IFT172: variants seen among roughly 807,000 people sequenced by gnomAD.
The protein encoded by IFT172 is intraflagellar transport protein 172 homolog.
IFT172 carries 164 observed loss-of-function variants against 248.9 expected under a neutral mutation model. The observed-to-expected ratio is 0.66, with a 90% CI of 0.58 to 0.75. The LOEUF (loss-of-function observed/expected upper bound fraction) is 0.75. Among genes scored for constraint, IFT172 ranks in the 30% least tolerant of loss-of-function variants. IFT172 has a pLI of 0.00. For synonymous variants in IFT172, 729 were observed against 791.6 expected, an observed-to-expected ratio of 0.92 and a Z score of 1.33; for missense variants, 1,950 against 2,192.4, an observed-to-expected ratio of 0.89 and a Z score of 2.21.
At position 27,478,062 on chromosome 2, in the gene IFT172, C is replaced by A. The variant is rs755263642; in HGVS notation, c.1100G>T (p.Arg367Leu). 6.2e-7 allele frequency: 1 copy of A among 1,614,226 alleles called. No individual in the cohort carries two copies. The highest frequency in any genetic ancestry group is 1.1e-5 in the South Asian group (1 of 91,090). ...VEEVKILGKERYLVAHTSETL... is the reference protein window; with the variant it reads ...VEEVKILGKELYLVAHTSETL... ...TTCTGATGTGTGAGCCACCAAGTAA[C>A]GTTCCTTTCCTAGGATTTTCACCTC... is the stretch of plus-strand genomic sequence containing the variant. Residue 367 changes from arginine (R) to leucine (L), a missense_variant, in exon 11 of 48, where the codon CGT (arginine) becomes CTT (leucine). Coordinates refer to ENST00000260570, the MANE Select transcript of IFT172 (RefSeq NM_015662.3).
intron 30 of IFT172, chr2:27,455,182 T>C (rs1335815347): frequency 3.3e-6 from 1 of 304,752 alleles, no homozygotes; most frequent in Non-Finnish European, 6.3e-6. Flanking sequence ...TCCTGGCTGA[T>C]GTGCTCAAGA....
intron 16 of IFT172, among the ~76,000 whole-genome samples, chr2:27,467,335 G>A (rs766394758): frequency 1.4e-5 from 2 of 147,922 alleles, no homozygotes; most frequent in Non-Finnish European, 3.0e-5. Context: ...CACTTTGGGA[G>A]GCTCAGGCAG....
chr2:27,453,268 T>C (rs1665848443), intron 35 of IFT172, 116 bp downstream of exon 35: 1 of 1,325,152 alleles, frequency 7.5e-7, no homozygotes, highest in Non-Finnish European at 1.1e-6. Flanking sequence ...AGATTCCTGC[T>C]ACCTGATTGA....
intron 42 of IFT172, 51 bp from the exon 43 acceptor site, chr2:27,446,406 A>G (rs1217880195): frequency 3.3e-6 from 5 of 1,513,124 alleles, no homozygotes; most frequent in Non-Finnish European, 4.6e-6. Flanking sequence ...TGACTGAGCT[A>G]CCAGACCAAT....
Position 27,472,364 on chromosome 2 carries a change from T to C in IFT172, c.1412-2A>G, listed in dbSNP as rs1318391650. The C allele has an allele frequency of 1.9e-6, 3 of 1,611,882 alleles. No homozygotes were observed. The highest frequency in any genetic ancestry group is 2.2e-5 in the South Asian group (2 of 90,978). ...TGTTGTAGCCACCAATCAGATCCAC[T>C]ATAGAATAAAGGAGACAGGGTTAAG... On this transcript the variant is annotated splice_acceptor_variant, in intron 14 of 47. Transcript: ENST00000260570. LOFTEE classifies it high-confidence loss of function.
intron 18 of IFT172, chr2:27,465,153 C>G (rs949869771): frequency 2.7e-5 from 12 of 448,116 alleles, no homozygotes; most frequent in African/African-American, 2.2e-4. Context: ...AACTCCTGAC[C>G]TTGTGATCTG....
chr2:27,461,171 C>T, intron 22 of IFT172, 78 bp from the exon 23 acceptor site: 2 of 1,613,174 alleles, frequency 1.2e-6, no homozygotes, highest in African/African-American at 1.3e-5. Context: ...CAAGGGAACA[C>T]CAGCAGTCAG....
intron 1 of IFT172, among the ~76,000 whole-genome samples, chr2:27,488,966 C>G (rs916937095): frequency 1.3e-5 from 2 of 152,212 alleles, no homozygotes; most frequent in Non-Finnish European, 2.9e-5. Context: ...CCCTTGAACC[C>G]GGGAGGCGGA....
rs760361183 is a variant in IFT172, at chr2:27,449,319, T to C, written c.4286A>G (p.Lys1429Arg). The C allele has an allele frequency of 2.5e-6, 4 of 1,614,016 alleles. No homozygotes were observed. The South Asian group carries it at 3.3e-5, about 13-fold the overall frequency. The change falls in exon 39 of 48, where the codon AAG (lysine) becomes AGG (arginine). Residue 1429 changes from lysine to arginine, a missense_variant. By Grantham distance (26) the Lys-to-Arg change is conservative. Coordinates refer to ENST00000260570, the MANE Select transcript of IFT172 (RefSeq NM_015662.3). The part of the protein sequence containing the change: ...DLYVEQGQWD[K>R]CIETATKQNY... The stretch of plus-strand genomic sequence containing the variant: ...CTGCTTGGTAGCTGTTTCAATGCAC[T>C]TGTCCCACTGGCCCTGCTCCACATA...
At chr2:27,458,378 C>A (rs187155355) in intron 26 of IFT172, among the ~76,000 whole-genome samples, 155 bp from the exon 27 acceptor site, 1 of 152,270 alleles carries the variant, frequency 6.6e-6, no homozygotes, top group East Asian at 1.9e-4. Flanking sequence ...AATTCCAAGT[C>A]CATAAGAAGC....
chr2:27,465,350 A>T, intron 18 of IFT172, 61 bp downstream of exon 18: 11 of 1,406,920 alleles, frequency 7.8e-6, no homozygotes, highest in Admixed American at 1.7e-5. Context: ...CCACAGGGAA[A>T]ATACTCATGT....
intron 16 of IFT172, among the ~76,000 whole-genome samples, chr2:27,467,468 C>T (rs1432209056): frequency 2.3e-5 from 3 of 130,592 alleles, no homozygotes; most frequent in Admixed American, 8.6e-5. Context: ...TGGTGGCATA[C>T]GCCTGTAGTG....
chr2:27,464,116 C>T (rs944336133), intron 18 of IFT172, among the ~76,000 whole-genome samples: 2 of 152,132 alleles, frequency 1.3e-5, no homozygotes, highest in Non-Finnish European at 2.9e-5. Flanking sequence ...AGGTGGGAGA[C>T]GGCAGTGGTC....
rs1438486427 is a variant in IFT172, at chr2:27,476,713, CATT to C, written c.1336_1338del (p.Asn446del). On this transcript the variant is annotated inframe_deletion, in exon 14 of 48. Coordinates refer to ENST00000260570, the MANE Select transcript of IFT172 (RefSeq NM_015662.3). Reference sequence around the variant, plus strand: ...TCTTCTGTTCCTCGCTGACACCTCTCATTAATACGAACACTGAAACATGAAGGG... The same window carrying C: ...TCTTCTGTTCCTCGCTGACACCTCTCAATACGAACACTGAAACATGAAGGG... 6 of 1,612,344 alleles carry C rather than the reference CATT, an allele frequency of 3.7e-6. No homozygotes were observed. The highest frequency in any genetic ancestry group is 2.2e-5 in the South Asian group (2 of 90,982).
chr2:27,449,957 C>T, intron 36 of IFT172, 41 bp downstream of exon 36: 1 of 1,555,430 alleles, frequency 6.4e-7, no homozygotes, highest in South Asian at 1.1e-5. Flanking sequence ...GCACCCATCT[C>T]TGTGAAATCT....
chr2:27,483,157 C>T, intron 7 of IFT172, 132 bp downstream of exon 7: 2 of 629,676 alleles, frequency 3.2e-6, no homozygotes, highest in South Asian at 1.9e-5. Flanking sequence ...GCCCATGCCA[C>T]CATGCCCGAC....
chr2:27,456,499 T>C lies in IFT172; in HGVS notation c.3371+12A>G, dbSNP rs767817569. Reference sequence around the variant, plus strand: ...GGGATGGGGCCCGTGGAGAGAAAGCTTGGGGCCTCACCAATTGTCTGCAGC... The same window carrying C: ...GGGATGGGGCCCGTGGAGAGAAAGCCTGGGGCCTCACCAATTGTCTGCAGC... On this transcript the variant is annotated intron_variant, in intron 30 of 47. Coordinates refer to ENST00000260570, the MANE Select transcript of IFT172 (RefSeq NM_015662.3). The C allele has an allele frequency of 1.5e-5, 24 of 1,610,882 alleles. No individual in the cohort carries two copies. Among genetic ancestry groups the C allele is most frequent in the Admixed American group, 1.7e-5 (1 of 59,598 alleles).
Position 27,445,579 on chromosome 2 carries a change from G to T in IFT172, c.4915-130C>A. 7.7e-6 allele frequency: 10 copies of T among 1,298,698 alleles called. No homozygotes were observed. The highest frequency in any genetic ancestry group is 1.1e-5 in the Non-Finnish European group (10 of 943,098). The allele number at this position is 1,298,698 out of a possible 1,614,324, so 80.4% of individuals were successfully genotyped here. On this transcript the variant is annotated intron_variant, in intron 45 of 47. Coordinates refer to ENST00000260570, the MANE Select transcript of IFT172 (RefSeq NM_015662.3). The surrounding 1 kb of genome is among the most constrained non-coding windows in gnomAD (Gnocchi z 4.4). ...AGCTTTTAGCCACGAATCCTCCTTG[G>T]ATTGGGGGATGCAGTCACAGCCTTT...
rs758881247 is a variant in IFT172, at chr2:27,449,068, G to C, written c.4312-37C>G. The C allele has an allele frequency of 9.4e-6, 12 of 1,272,040 alleles. No homozygotes were observed. In the South Asian group the frequency reaches 1.2e-4, roughly 13 times the overall value. 78.8% of individuals were successfully genotyped at this position (1,272,040 alleles called of 1,614,324 possible). A position where few individuals can be genotyped will look rare whatever the true frequency, so the allele number is the denominator to read the frequency against. The stretch of plus-strand genomic sequence containing the variant: ...TGGAGGAAAAGCATGAGTGAGGCTG[G>C]GATCGGCAAGACCAAGCAGTGAGGT... On this transcript the variant is annotated intron_variant, in intron 39 of 47. Transcript: ENST00000260570.
Sources: allele counts gnomAD v4.1 joint callset (sites outside exome capture counted in the v4.1 genomes callset), GRCh38; gene constraint gnomAD v4.1.1; non-coding constraint Gnocchi (gnomAD v3.1); transcripts MANE v1.5; gene names NCBI Gene and HGNC (gene_info 2026-07-23, HGNC 2026-07-21).